RPL15: variants seen among roughly 807,000 people sequenced by gnomAD.
RPL15 encodes the protein ribosomal protein L15.
For missense variants in RPL15, 161 were observed against 271.8 expected, an observed-to-expected ratio of 0.59 and a Z score of 2.87; for synonymous variants, 97 against 95.1, an observed-to-expected ratio of 1.02 and a Z score of -0.12.
At chr3:23,923,575 A>T (rs1296649111), downstream of RPL15, 5 of 152,296 alleles carry the variant, frequency 3.3e-5, no homozygotes, top group East Asian at 9.6e-4. Context: ...ATGTACCATG[A>T]TTCATTGGAT....
chr3:23,920,380 G>A lies in RPL15; in HGVS notation c.*879G>A, dbSNP rs151176381. Reference sequence around the variant, plus strand: ...GCTACAGAAAAAGTCACAAGCGCATGGTTTCCAACCATATGTGTTTTCTGC... The same window carrying A: ...GCTACAGAAAAAGTCACAAGCGCATAGTTTCCAACCATATGTGTTTTCTGC... On this transcript the variant is annotated 3_prime_UTR_variant, in exon 4 of 4. Coordinates refer to ENST00000307839, the MANE Select transcript of RPL15 (RefSeq NM_002948.5). 5.1e-6 allele frequency: 5 copies of A among 985,372 alleles called. No homozygotes were observed. The East Asian group carries it at 5.7e-4, about 112-fold the overall frequency. 61.0% of individuals were successfully genotyped at this position (985,372 alleles called of 1,614,324 possible).
intron 2 of RPL15, 191 bp downstream of exon 2, chr3:23,918,222 CTGAA>C: frequency 6.5e-6 from 6 of 928,444 alleles, no homozygotes; most frequent in East Asian, 2.7e-5. Context: ...GGTTACAAAT[CTGAA>C]TGAGTTCAGA....
chr3:23,918,854 T>G, intron 3 of RPL15: 1 of 503,488 alleles, frequency 2.0e-6, no homozygotes, highest in Admixed American at 3.8e-5. Flanking sequence ...AAATATATAC[T>G]AAATATTTTT....
chr3:23,917,595 G>T, intron 1 of RPL15: 1 of 376,392 alleles, frequency 2.7e-6, no homozygotes, highest in Non-Finnish European at 4.8e-6. Context: ...CCCCCTTGGT[G>T]CTCAGTTCTG....
chr3:23,921,951 C>G (rs547224297), downstream of RPL15: 151 of 239,598 alleles, frequency 6.3e-4, no homozygotes, highest in Non-Finnish European at 1.3e-4. Flanking sequence ...TCAAGCAATC[C>G]TGCCTTGGCC....
rs1394815819 is a variant in RPL15 at position 23,918,456 on chromosome 3, G to A, written c.189G>A (p.Arg63=). ...TGTGTGTAGGTTACGTTATATATAG[G>A]ATTCGTGTTCGCCGTGGTGGCCGAA... ...YKAKQGYVIY[R]IRVRRGGRKR... is the part of the protein sequence containing the mutation. The change falls in exon 3 of 4, where the codon AGG becomes AGA. Residue 63 remains arginine (R), a synonymous_variant. Coordinates refer to ENST00000307839, the MANE Select transcript of RPL15 (RefSeq NM_002948.5). 1 of 1,612,602 alleles carries A rather than the reference G, an allele frequency of 6.2e-7. No individual in the cohort carries two copies. Among genetic ancestry groups the A allele is most frequent in the Non-Finnish European group, 8.5e-7 (1 of 1,179,822 alleles).
rs1704970996 is a variant in RPL15 at position 23,919,784 on chromosome 3, GGA to G, written c.*288_*289del. 1 of 1,117,676 alleles carries G rather than the reference GGA, an allele frequency of 8.9e-7. No homozygotes were observed. The highest frequency in any genetic ancestry group is 1.6e-5 in the African/African-American group (1 of 61,916). 69.2% of individuals were successfully genotyped at this position (1,117,676 alleles called of 1,614,324 possible). ...AACAGGCTTAATAAATTCTTTAAAAGGAGAGAACTGAAACTAGCCCTGTAGAT... is the reference window on the plus strand; with the variant it reads ...AACAGGCTTAATAAATTCTTTAAAAGGAGAACTGAAACTAGCCCTGTAGAT... On this transcript the variant is annotated 3_prime_UTR_variant, in exon 4 of 4. Transcript: ENST00000307839.
intron 2 of RPL15, 28 bp from the exon 3 acceptor site, chr3:23,918,412 C>A (rs1265788076): frequency 1.9e-6 from 3 of 1,606,102 alleles, no homozygotes; most frequent in South Asian, 2.2e-5. Context: ...CCTATAAAAT[C>A]ACTAATTTCG....
downstream of RPL15, chr3:23,921,628 G>A (rs1290594644): frequency 9.4e-6 from 6 of 638,982 alleles, no homozygotes; most frequent in African/African-American, 9.6e-5. Context: ...AGGTGGGAGT[G>A]CAGTGGGGCA....
chr3:23,919,480 C>G lies in RPL15; in HGVS notation c.594C>G (p.Leu198=), dbSNP rs145762035. 1.1e-5 allele frequency: 17 copies of G among 1,584,148 alleles called. No individual in the cohort carries two copies. The highest frequency in any genetic ancestry group is 6.7e-5 in the East Asian group (3 of 44,556). Residue 198 remains leucine (L), a synonymous_variant, in exon 4 of 4, where the codon CTC becomes CTG. Coordinates refer to ENST00000307839, the MANE Select transcript of RPL15 (RefSeq NM_002948.5). ...RRAAWRRRNT[L]QLHRYR is the part of the protein sequence containing the mutation. ...CAGCTTGGAGAAGGCGCAATACTCT[C>G]CAGCTCCACCGTTACCGCTAATATA... is the stretch of plus-strand genomic sequence containing the variant.
chr3:23,918,427 T>C lies in RPL15; in HGVS notation c.173-13T>C, dbSNP rs1379975020. 2 of 1,610,494 alleles carry C rather than the reference T, an allele frequency of 1.2e-6. No individual in the cohort carries two copies. The highest frequency in any genetic ancestry group is 2.2e-5 in the South Asian group (2 of 90,756). ...CCTATAAAATCACTAATTTCGTGTG[T>C]GTTTGTGTGTAGGTTACGTTATATA... is the stretch of plus-strand genomic sequence containing the variant. On this transcript the variant is annotated splice_polypyrimidine_tract_variant and intron_variant, in intron 2 of 3. Coordinates refer to ENST00000307839, the MANE Select transcript of RPL15 (RefSeq NM_002948.5).
Position 23,917,701 on chromosome 3 carries a change from G to A in RPL15, c.-10-149G>A, listed in dbSNP as rs183657138. 3.7e-3 allele frequency: 2,735 copies of A among 737,602 alleles called. 14 individuals carry two copies. The highest frequency in any genetic ancestry group is 3.7e-3 in the South Asian group (191 of 51,620). The allele number at this position is 737,602 out of a possible 1,614,324, so 45.7% of individuals were successfully genotyped here. ...GCGGCTCCGTGGGCGCAGTGGTGGG[G>A]GTTGGGCTAGCTGTCCCCGGCAGTT... On this transcript the variant is annotated intron_variant, in intron 1 of 3. Transcript: ENST00000307839.
chr3:23,918,329 G>T, intron 2 of RPL15, 111 bp from the exon 3 acceptor site: 1 of 1,250,800 alleles, frequency 8.0e-7, no homozygotes, highest in Non-Finnish European at 1.1e-6. Context: ...CTATTAGATA[G>T]CATTAACTTA....
chr3:23,916,984 G>A (rs1443754613), upstream of RPL15: 1 of 152,682 alleles, frequency 6.5e-6, no homozygotes, highest in Non-Finnish European at 1.5e-5. Context: ...GCAGGGGGCG[G>A]GACAATAGCG....
downstream of RPL15, chr3:23,921,453 T>A: frequency 1.6e-6 from 1 of 612,362 alleles, no homozygotes; most frequent in Admixed American, 2.9e-5. Context: ...GGGAAAGCTT[T>A]ACTCCAATAT....
At chr3:23,921,570 G>GTTGTTTTTTT, downstream of RPL15, 1 of 508,318 alleles carries the variant, frequency 2.0e-6, no homozygotes, top group Admixed American at 3.1e-5. Flanking sequence ...TGATTATTGA[G>GTTGTTTTTTT]TTTTTTTTTT....
chr3:23,917,695 G>A, intron 1 of RPL15, 155 bp from the exon 2 acceptor site: 3 of 702,576 alleles, frequency 4.3e-6, no homozygotes, highest in East Asian at 2.9e-5. Context: ...TGGGCGCAGT[G>A]GTGGGGGTTG....
In RPL15 at chr3:23,917,178, G is replaced by A. The variant is rs982949580; in HGVS notation, c.-11+5G>A. ...CCGTCTGGCGGCAGCCATCAGGTAG[G>A]CTGCGTTGAGGATCTTTGCTCTTCC... On this transcript the variant is annotated splice_donor_5th_base_variant and intron_variant, in intron 1 of 3. Transcript: ENST00000307839. The A allele has an allele frequency of 1.3e-5, 2 of 152,928 alleles. 1 individual carries two copies. The highest frequency in any genetic ancestry group is 2.9e-5 in the Non-Finnish European group (2 of 68,532). The allele number at this position is 152,928 out of a possible 1,614,324, so 9.5% of individuals were successfully genotyped here.
intron 3 of RPL15, chr3:23,918,815 A>C (rs1011689386): frequency 1.4e-5 from 8 of 565,396 alleles, no homozygotes; most frequent in Middle Eastern, 4.6e-4. Flanking sequence ...GAATATGCAG[A>C]AGAGACCAAA....
Sources: allele counts gnomAD v4.1 joint callset, GRCh38; gene constraint gnomAD v4.1.1; transcripts MANE v1.5; gene names NCBI Gene and HGNC (gene_info 2026-07-23, HGNC 2026-07-21).